The following DAB1 variants were observed in gnomAD, a reference collection of about 807,000 sequenced individuals.
The protein encoded by DAB1 is DAB adaptor protein 1.
A neutral mutation model predicts 64.6 loss-of-function variants in DAB1; 15 were observed. The observed-to-expected ratio is 0.23, with a 90% CI of 0.16 to 0.36. The LOEUF (loss-of-function observed/expected upper bound fraction) is 0.36. Among genes scored for constraint, DAB1 ranks in the 10% least tolerant of loss-of-function variants. The pLI is 1.00. For missense variants in DAB1, 596 were observed against 706.7 expected, an observed-to-expected ratio of 0.84 and a Z score of 1.78; for synonymous variants, 235 against 251.9, an observed-to-expected ratio of 0.93 and a Z score of 0.64.
chr1:58,440,008 T>C (rs746288793), intron 3 of DAB1, among the ~76,000 whole-genome samples: 4 of 152,188 alleles, frequency 2.6e-5, no homozygotes, highest in Non-Finnish European at 5.9e-5. Flanking sequence ...ACCTGGGAGA[T>C]CCTTGTCTTC....
chr1:57,581,295 G>T (rs1330864830), intron 7 of DAB1, among the ~76,000 whole-genome samples: 8 of 151,996 alleles, frequency 5.3e-5, no homozygotes, highest in Non-Finnish European at 1.0e-4. Flanking sequence ...AAACTCTAGG[G>T]GAACAAAAAA....
At chr1:58,181,492 T>A (rs1656791074) in intron 4 of DAB1, among the ~76,000 whole-genome samples, 1 of 152,116 alleles carries the variant, frequency 6.6e-6, no homozygotes, top group Non-Finnish European at 1.5e-5. Flanking sequence ...CTTTTTTGTA[T>A]GTCTCATGAT....
At chr1:57,376,527 C>T (rs1483054047) in intron 1 of DAB1, among the ~76,000 whole-genome samples, 3 of 152,198 alleles carry the variant, frequency 2.0e-5, no homozygotes, top group African/African-American at 7.2e-5. Context: ...TCTCTAGTGC[C>T]TAGAACAATC....
intron 1 of DAB1, among the ~76,000 whole-genome samples, chr1:57,365,495 C>T (rs1421453515): frequency 1.3e-5 from 2 of 150,820 alleles, no homozygotes; most frequent in Non-Finnish European, 2.9e-5. Context: ...ATTAAAGAGT[C>T]TAAAGGGCCC....
At chr1:58,074,545 C>CATATATATAT (rs1557638894) in intron 5 of DAB1, 1 of 60,958 alleles carries the variant, frequency 1.6e-5, no homozygotes, top group African/African-American at 7.9e-5. Flanking sequence ...TATATATATA[C>CATATATATAT]ACACATATAT....
Position 58,400,142 on chromosome 1 carries a change from C to A in DAB1, n.258-56739G>T, listed in dbSNP as rs143603726. Among the ~76,000 whole-genome samples, 645 of 151,934 alleles carry A rather than the reference C, an allele frequency of 4.2e-3. 5 individuals carry two copies. The highest frequency in any genetic ancestry group is 0.014 in the African/African-American group (597 of 41,436). ...GTCAGCATCCCAGGCAGGGCTTTCT[C>A]TGGTCCCTAGTCTCTGCCTTTCTCT... On this transcript the variant is annotated intron_variant and non_coding_transcript_variant, in intron 3 of 20. Coordinates refer to the DAB1 transcript ENST00000485760.
intron 2 of DAB1, among the ~76,000 whole-genome samples, chr1:57,257,078 T>C (rs914331170): frequency 5.3e-5 from 8 of 152,074 alleles, no homozygotes; most frequent in African/African-American, 1.9e-4. Flanking sequence ...GGATCAAGAG[T>C]CTTCAGGATG....
chr1:57,038,932 C>G (rs1050580667), intron 9 of DAB1, among the ~76,000 whole-genome samples: 3 of 152,126 alleles, frequency 2.0e-5, no homozygotes, highest in Admixed American at 2.0e-4. Context: ...CTGACCTGAA[C>G]GGGCTAACGC....
At chr1:58,313,856 T>TGTGTGTGTGAGA (rs369709762) in intron 4 of DAB1, among the ~76,000 whole-genome samples, 2 of 112,062 alleles carry the variant, frequency 1.8e-5, no homozygotes, top group African/African-American at 6.6e-5. Context: ...TGTGTGTGTG[T>TGTGTGTGTGAGA]GAGAGAGAGA....
chr1:57,564,409 G>A (rs368046008), intron 7 of DAB1, among the ~76,000 whole-genome samples: 26 of 152,260 alleles, frequency 1.7e-4, no homozygotes, highest in East Asian at 3.9e-4. Context: ...ACAGCCCCTC[G>A]CCAGCAACAG....
chr1:58,078,737 G>T (rs1649802681), intron 5 of DAB1, among the ~76,000 whole-genome samples: 1 of 152,106 alleles, frequency 6.6e-6, no homozygotes, highest in South Asian at 2.1e-4. Context: ...TTGTTATAGT[G>T]AACATAATGC....
At chr1:57,023,759 T>A in intron 10 of DAB1, 120 bp from the exon 11 acceptor site, 1 of 684,040 alleles carries the variant, frequency 1.5e-6, no homozygotes, top group African/African-American at 1.8e-5. Context: ...AAGCCACTTA[T>A]GGGGTGTGCA....
intron 6 of DAB1, among the ~76,000 whole-genome samples, chr1:57,815,566 T>C (rs544351783): frequency 3.3e-5 from 5 of 152,102 alleles, no homozygotes; most frequent in Non-Finnish European, 5.9e-5. Flanking sequence ...AGCTTTGATA[T>C]ATGAAAGAGC....
chr1:57,877,097 AT>A (rs1644059762), intron 1 of DAB1, among the ~76,000 whole-genome samples: 1 of 152,086 alleles, frequency 6.6e-6, no homozygotes, highest in Admixed American at 6.5e-5. Context: ...TGAAAATATG[AT>A]TACATTTAGT....
At chr1:57,828,820 A>T (rs1220946027) in intron 1 of DAB1, among the ~76,000 whole-genome samples, 1 of 152,228 alleles carries the variant, frequency 6.6e-6, no homozygotes, top group African/African-American at 2.4e-5. Context: ...AAGTTTTTAC[A>T]CTCTTAGAAA....
At chr1:58,361,853 A>C (rs1644169790) in intron 3 of DAB1, among the ~76,000 whole-genome samples, 1 of 145,246 alleles carries the variant, frequency 6.9e-6, no homozygotes, top group Non-Finnish European at 1.5e-5. Flanking sequence ...TCCCACCATC[A>C]AAGATCCCCC....
chr1:57,853,247 T>TAAA (rs35904605), intron 1 of DAB1, among the ~76,000 whole-genome samples: 3 of 140,380 alleles, frequency 2.1e-5, no homozygotes, highest in Non-Finnish European at 4.7e-5. Flanking sequence ...GGGCTATCTT[T>TAAA]AAAAAAAAAA....
At position 58,076,333 on chromosome 1, in the gene DAB1, G is replaced by A. The variant is rs1649640387; in HGVS notation, n.387+74178C>T. Among the ~76,000 whole-genome samples, 3 of 152,242 alleles carry A rather than the reference G, an allele frequency of 2.0e-5. 1 individual carries two copies. The South Asian group carries it at 6.2e-4, about 32-fold the overall frequency. ...GTGATAAGCAGGAGATCAGAGATGT[G>A]CACCCAGGAAGTCTCACACAAGAGT... is the stretch of plus-strand genomic sequence containing the variant. On this transcript the variant is annotated intron_variant and non_coding_transcript_variant, in intron 5 of 20. Coordinates refer to the DAB1 transcript ENST00000485760.
chr1:57,260,507 G>A (rs1328609344), intron 2 of DAB1, among the ~76,000 whole-genome samples: 1 of 152,160 alleles, frequency 6.6e-6, no homozygotes, highest in Non-Finnish European at 1.5e-5. Flanking sequence ...AATCAAACAT[G>A]AGTCAATTTG....
Sources: gnomAD v4.1 joint callset for allele counts (sites outside exome capture counted in the v4.1 genomes callset) on GRCh38, gnomAD v4.1.1 for gene constraint, MANE v1.5 for transcripts, NCBI Gene and HGNC (gene_info 2026-07-23, HGNC 2026-07-21) for gene names.